The following KIF5A variants were observed in gnomAD, a reference collection of about 807,000 sequenced individuals.
The protein encoded by KIF5A is kinesin family member 5A.
In KIF5A, 35 loss-of-function variants were observed where a neutral mutation model predicts 141.3. That is an observed-to-expected ratio of 0.25 (90% CI 0.19 to 0.33). The LOEUF is 0.33. Ranked by LOEUF, KIF5A falls within the 10% of genes least tolerant of loss-of-function variation. The pLI, the probability that KIF5A is intolerant of heterozygous loss-of-function variation, is 1.00. For synonymous variants in KIF5A, 448 were observed against 500.2 expected (o/e 0.90, Z 1.39); for missense variants, 861 against 1,314.3 (o/e 0.66, Z 5.33).
chr12:57,581,310 A>G, intron 24 of KIF5A, 105 bp from the exon 25 acceptor site: 1 of 1,555,202 alleles, frequency 6.4e-7, no homozygotes, highest in Non-Finnish European at 8.8e-7. Flanking sequence ...TAAAAAAGTG[A>G]TTATGTTACA....
intron 24 of KIF5A, 109 bp downstream of exon 24, chr12:57,581,281 C>G (rs191737630): frequency 6.7e-7 from 1 of 1,493,034 alleles, no homozygotes; most frequent in Non-Finnish European, 9.2e-7. Flanking sequence ...CTAGCCTCAT[C>G]CCACTTCCCC....
intron 1 of KIF5A, among the ~76,000 whole-genome samples, chr12:57,557,311 T>C (rs1202689444): frequency 6.6e-6 from 1 of 152,202 alleles, no homozygotes; most frequent in African/African-American, 2.4e-5. Flanking sequence ...TGCTTGTTTC[T>C]GTTTCTTGGC....
At chr12:57,566,695 G>A (rs77936343) in intron 6 of KIF5A, among the ~76,000 whole-genome samples, 3,682 of 151,610 alleles carry the variant, frequency 0.024, 87 homozygotes, top group East Asian at 0.11. Context: ...GATTACAGGC[G>A]TGAGCCACCA....
chr12:57,577,460 T>C (rs988269803), intron 20 of KIF5A, among the ~76,000 whole-genome samples: 1 of 152,100 alleles, frequency 6.6e-6, no homozygotes. Context: ...CTGGGCATGG[T>C]GGCATACGTC....
intron 17 of KIF5A, 100 bp downstream of exon 17, chr12:57,575,857 G>C: frequency 1.0e-6 from 1 of 999,584 alleles, no homozygotes; most frequent in South Asian, 1.3e-5. Context: ...GCATTAGCTT[G>C]AAATCATGGA....
chr12:57,569,131 T>C, intron 9 of KIF5A, 64 bp downstream of exon 9: 1 of 1,548,484 alleles, frequency 6.5e-7, no homozygotes, highest in Non-Finnish European at 8.9e-7. Context: ...CACCTGCTAA[T>C]GCCACCATAT....
chr12:57,562,332 C>T (rs1382242515), intron 1 of KIF5A, among the ~76,000 whole-genome samples: 2 of 152,224 alleles, frequency 1.3e-5, no homozygotes, highest in East Asian at 3.9e-4. Flanking sequence ...TCTCCTGCCT[C>T]AGCCTCCGGC....
At chr12:57,558,071 T>C (rs765098876) in intron 1 of KIF5A, among the ~76,000 whole-genome samples, 3 of 152,332 alleles carry the variant, frequency 2.0e-5, no homozygotes, top group South Asian at 2.1e-4. Context: ...TACCTTTTTT[T>C]ACACAAATGG....
chr12:57,581,913 G>T lies in KIF5A; in HGVS notation c.2953G>T (p.Gly985Cys), dbSNP rs371548640. ...CTSSGATSSGGPLASYQKANM... is the reference protein window; with the variant it reads ...CTSSGATSSGCPLASYQKANM... ...CAGCAGTGGAGCCACATCTTCTGGC[G>T]GCCCCTTGGCTTCCTACCAGAAGGC... The change falls in exon 26 of 29, where the codon GGC (glycine) becomes TGC (cysteine). Residue 985 changes from glycine to cysteine, a missense_variant. Physicochemically the swap from Gly to Cys is radical, Grantham distance 159 (BLOSUM62 -3). This residue lies in a region of KIF5A where 482 missense variants were observed against 661.3 expected (regional missense o/e 0.73). Transcript: ENST00000455537. 1.9e-5 allele frequency: 30 copies of T among 1,614,038 alleles called. No individual in the cohort carries two copies. The highest frequency in any genetic ancestry group is 2.5e-5 in the Non-Finnish European group (29 of 1,180,004).
intron 23 of KIF5A, among the ~76,000 whole-genome samples, chr12:57,579,610 T>C (rs1284624268): frequency 1.3e-5 from 2 of 152,232 alleles, no homozygotes; most frequent in African/African-American, 4.8e-5. Flanking sequence ...ATTTCCTTTA[T>C]TATGAAACTG....
intron 1 of KIF5A, among the ~76,000 whole-genome samples, chr12:57,555,645 T>C (rs950582565): frequency 3.0e-4 from 45 of 151,558 alleles, no homozygotes; most frequent in East Asian, 1.6e-3. Flanking sequence ...GCACGGTGGC[T>C]CACGCCTATA....
intron 6 of KIF5A, among the ~76,000 whole-genome samples, chr12:57,565,630 T>TC (rs1447139104): frequency 6.7e-6 from 1 of 148,154 alleles, no homozygotes; most frequent in East Asian, 2.0e-4. Flanking sequence ...AATTTTTTTT[T>TC]TTTTTTTTTT....
chr12:57,577,374 T>G (rs1190092310), intron 20 of KIF5A, among the ~76,000 whole-genome samples: 2 of 152,202 alleles, frequency 1.3e-5, no homozygotes, highest in Non-Finnish European at 2.9e-5. Context: ...GCAGGTGGAC[T>G]GCTTGAGCTC....
Position 57,567,232 on chromosome 12 carries a change from G to A in KIF5A, c.589+19G>A, listed in dbSNP as rs1158000626. On this transcript the variant is annotated intron_variant, in intron 7 of 28. Transcript: ENST00000455537. ...GTCACCAGTGAGTGAGGATACAAGG[G>A]GATCTCTCGAGTCTGAGGATCCACT... is the stretch of plus-strand genomic sequence containing the variant. 2 of 1,582,814 alleles carry A rather than the reference G, an allele frequency of 1.3e-6. No homozygotes were observed. The highest frequency in any genetic ancestry group is 1.7e-5 in the Admixed American group (1 of 59,872).
chr12:57,572,594 C>A lies in KIF5A; in HGVS notation c.1584C>A (p.Ser528=). 1 of 1,614,204 alleles carries A rather than the reference C, an allele frequency of 6.2e-7. No individual in the cohort carries two copies. Among genetic ancestry groups the A allele is most frequent in the Non-Finnish European group, 8.5e-7 (1 of 1,180,048 alleles). ...GCTGTCCCCAGGCCACCATGCTGTC[C>A]CTGGAGTCTGAGTTGCAGCGGCTAC... ...ELSQKVATML[S]LESELQRLQE... is the part of the protein sequence containing the mutation. The change falls in exon 15 of 29, where the codon TCC becomes TCA. Residue 528 remains serine, a synonymous_variant. Coordinates refer to ENST00000455537, the MANE Select transcript of KIF5A (RefSeq NM_004984.4). This position sits in a 1 kb window ranked among gnomAD's most constrained non-coding sequence, Gnocchi z 4.2.
chr12:57,554,883 A>C (rs1439151376), intron 1 of KIF5A, among the ~76,000 whole-genome samples: 1 of 152,166 alleles, frequency 6.6e-6, no homozygotes. Context: ...GCACCAAGCC[A>C]CTCATCAGGG....
At chr12:57,567,796 G>A (rs1018053771) in intron 8 of KIF5A, among the ~76,000 whole-genome samples, 178 bp downstream of exon 8, 1 of 151,864 alleles carries the variant, frequency 6.6e-6, no homozygotes, top group Non-Finnish European at 1.5e-5. Context: ...AAGTAGCTGG[G>A]ATTACAGGTG....
chr12:57,564,073 C>A, intron 3 of KIF5A, 35 bp from the exon 4 acceptor site: 1 of 1,466,870 alleles, frequency 6.8e-7, no homozygotes, highest in Non-Finnish European at 9.6e-7. Flanking sequence ...TCTCCCTGAG[C>A]CCCAGCTTCA....
intron 8 of KIF5A, among the ~76,000 whole-genome samples, chr12:57,567,946 G>A (rs1376973089): frequency 6.7e-6 from 1 of 149,776 alleles, no homozygotes; most frequent in African/African-American, 2.5e-5. Context: ...GCAGTGGCAC[G>A]CTCTCAGCTC....
Sources: allele counts gnomAD v4.1 joint callset (sites outside exome capture counted in the v4.1 genomes callset), GRCh38; gene constraint gnomAD v4.1.1; regional missense constraint gnomAD v4.1.1; non-coding constraint Gnocchi (gnomAD v3.1); transcripts MANE v1.5; gene names NCBI Gene and HGNC (gene_info 2026-07-23, HGNC 2026-07-21).